FOXP2: variants seen among roughly 807,000 people sequenced by gnomAD.
FOXP2 encodes forkhead box protein P2.
In FOXP2, 12 loss-of-function variants were observed where a neutral mutation model predicts 115.8. The observed-to-expected ratio is 0.10, with a 90% confidence interval of 0.07 to 0.17. FOXP2 has a LOEUF of 0.17. FOXP2 is among the 10% of genes least tolerant of loss of function. The pLI is 1.00. For missense variants in FOXP2, 629 were observed against 843.5 expected (o/e 0.75, Z 3.15); for synonymous variants, 328 against 297.7 (o/e 1.10, Z -1.05).
chr7:114,595,614 A>G (rs1375269542), intron 3 of FOXP2, among the ~76,000 whole-genome samples: 2 of 152,042 alleles, frequency 1.3e-5, no homozygotes, highest in Admixed American at 6.6e-5. Flanking sequence ...TAAGGATTTT[A>G]TCGTTTTATT....
intron 1 of FOXP2, among the ~76,000 whole-genome samples, chr7:114,274,683 C>T (rs905781950): frequency 6.4e-5 from 8 of 125,442 alleles, no homozygotes; most frequent in Admixed American, 2.2e-4. Flanking sequence ...GGCACGATCT[C>T]GGCTCAAGGC....
chr7:114,385,961 G>A (rs976363577), intron 2 of FOXP2, among the ~76,000 whole-genome samples: 5 of 152,210 alleles, frequency 3.3e-5, no homozygotes, highest in Non-Finnish European at 7.3e-5. Context: ...ATTAGAAGCC[G>A]TGGGTCACGG....
chr7:114,149,249 GGTTT>G (rs1002615198), intron 1 of FOXP2, among the ~76,000 whole-genome samples: 53 of 151,782 alleles, frequency 3.5e-4, no homozygotes, highest in African/African-American at 1.2e-3. Context: ...TGGGTTGGTT[GGTTT>G]GTTTGAGTCC....
intron 7 of FOXP2, 92 bp from the exon 8 acceptor site, chr7:114,644,593 G>A: frequency 2.9e-6 from 3 of 1,049,614 alleles, no homozygotes; most frequent in Non-Finnish European, 3.0e-6. Context: ...GTTTTGACCT[G>A]TTTGTCACTG....
chr7:114,231,513 G>C (rs1394670186), intron 1 of FOXP2, among the ~76,000 whole-genome samples: 1 of 152,108 alleles, frequency 6.6e-6, no homozygotes, highest in Non-Finnish European at 1.5e-5. Context: ...GTATGGTACT[G>C]GCGTGAAGAC....
chr7:114,484,020 C>G (rs1322841693), intron 2 of FOXP2, among the ~76,000 whole-genome samples: 1 of 151,718 alleles, frequency 6.6e-6, no homozygotes, highest in African/African-American at 2.4e-5. Context: ...ATATAAATCA[C>G]ATTGGAATAA....
intron 2 of FOXP2, among the ~76,000 whole-genome samples, chr7:114,505,149 A>G (rs759410809): frequency 6.6e-6 from 1 of 151,568 alleles, no homozygotes; most frequent in Non-Finnish European, 1.5e-5. Flanking sequence ...AATTTATATG[A>G]TAAATCTCAG....
chr7:114,156,076 C>T (rs1196472018), intron 1 of FOXP2, among the ~76,000 whole-genome samples: 3 of 152,042 alleles, frequency 2.0e-5, no homozygotes, highest in Non-Finnish European at 4.4e-5. Context: ...AGTCATACAC[C>T]AGTTAACCTG....
chr7:114,164,980 T>TTATATA (rs34418914), intron 1 of FOXP2, among the ~76,000 whole-genome samples: 2 of 150,186 alleles, frequency 1.3e-5, no homozygotes, highest in Non-Finnish European at 3.0e-5. Context: ...TACAGTATGT[T>TTATATA]TATATATATA....
chr7:114,612,388 T>C (rs2045294), intron 3 of FOXP2, among the ~76,000 whole-genome samples: 2 of 115,048 alleles, frequency 1.7e-5, no homozygotes, highest in Admixed American at 7.8e-5. Context: ...CACACACACA[T>C]ATATGTATAT....
intron 1 of FOXP2, among the ~76,000 whole-genome samples, chr7:114,166,517 A>C (rs1481651207): frequency 7.9e-5 from 12 of 152,182 alleles, no homozygotes; most frequent in Non-Finnish European, 1.6e-4. Context: ...ATCCTGGCTA[A>C]CATTGTGAAT....
At chr7:114,678,484 T>C (rs1195000332) in intron 16 of FOXP2, among the ~76,000 whole-genome samples, 13 of 150,834 alleles carry the variant, frequency 8.6e-5, no homozygotes, top group Admixed American at 6.6e-4. Context: ...GGGTATATGT[T>C]ACCTACTTTT....
rs562069776 is a variant in FOXP2, at chr7:114,525,280, A to G, written c.169-9337A>G. Among the ~76,000 whole-genome samples the G allele has an allele frequency of 2.6e-5, 4 of 152,266 alleles. No individual in the cohort carries two copies. In the East Asian group the frequency reaches 7.8e-4, roughly 30 times the overall value. On this transcript the variant is annotated intron_variant, in intron 2 of 16. Coordinates refer to ENST00000350908, the MANE Select transcript of FOXP2 (RefSeq NM_014491.4). ...AATTCCAAAAGTCTTCGCCTGGAATAATACTACTTTATACTTTAGCTTTTA... is the reference window on the plus strand; with the variant it reads ...AATTCCAAAAGTCTTCGCCTGGAATGATACTACTTTATACTTTAGCTTTTA...
intron 3 of FOXP2, among the ~76,000 whole-genome samples, chr7:114,551,161 T>C (rs1800187771): frequency 6.6e-6 from 1 of 152,172 alleles, no homozygotes; most frequent in Non-Finnish European, 1.5e-5. Context: ...GCAGCATGAT[T>C]TGCAAAACTG....
At chr7:114,672,627 T>C (rs947871136) in intron 16 of FOXP2, among the ~76,000 whole-genome samples, 34 of 151,284 alleles carry the variant, frequency 2.2e-4, no homozygotes, top group Non-Finnish European at 4.4e-4. Context: ...ATTCATCTAA[T>C]GTTTAGAACT....
intron 1 of FOXP2, among the ~76,000 whole-genome samples, chr7:114,287,131 CA>C (rs1796485354): frequency 6.6e-6 from 1 of 151,868 alleles, no homozygotes; most frequent in African/African-American, 2.4e-5. Context: ...AGTCAAAACC[CA>C]TTTACTATCT....
intron 3 of FOXP2, among the ~76,000 whole-genome samples, chr7:114,601,882 T>C (rs1056810508): frequency 6.6e-6 from 1 of 152,058 alleles, no homozygotes; most frequent in Non-Finnish European, 1.5e-5. Flanking sequence ...TTTATTTTGA[T>C]ACAGTTCCAT....
At chr7:114,399,654 G>A (rs113943083) in intron 2 of FOXP2, among the ~76,000 whole-genome samples, 1,615 of 152,106 alleles carry the variant, frequency 0.011, 10 homozygotes, top group Admixed American at 0.013. Flanking sequence ...GAAGACAGAC[G>A]TTCCTGACTC....
At chr7:114,185,195 G>A (rs1377543126) in intron 1 of FOXP2, among the ~76,000 whole-genome samples, 1 of 150,014 alleles carries the variant, frequency 6.7e-6, no homozygotes, top group Non-Finnish European at 1.5e-5. Flanking sequence ...TTCCACTAAT[G>A]TTGTATTTAT....
Sources: allele counts gnomAD v4.1 joint callset (sites outside exome capture counted in the v4.1 genomes callset), GRCh38; gene constraint gnomAD v4.1.1; transcripts MANE v1.5; gene names NCBI Gene and HGNC (gene_info 2026-07-23, HGNC 2026-07-21).